Variants in GREB1L observed in about 807,000 individuals in gnomAD.
The protein encoded by GREB1L is GREB1-like protein.
Under a neutral mutation model 200.8 loss-of-function variants are expected in GREB1L, and 17 were observed. That is an observed-to-expected ratio of 0.08 (90% CI 0.06 to 0.13). The LOEUF (loss-of-function observed/expected upper bound fraction) is 0.13, where lower values mean the gene tolerates loss of function less well. GREB1L is among the 10% of genes least tolerant of loss of function. The pLI is 1.00. For missense variants in GREB1L, 1,657 were observed against 2,367.7 expected, an observed-to-expected ratio of 0.70 and a Z score of 6.23; for synonymous variants, 789 against 893.0, an observed-to-expected ratio of 0.88 and a Z score of 2.08.
chr18:21,519,867 G>A (rs2037550852), intron 31 of GREB1L, among the ~76,000 whole-genome samples: 1 of 151,348 alleles, frequency 6.6e-6, no homozygotes. Context: ...AATTTTTGCA[G>A]TTATCATCTG....
Position 21,523,103 on chromosome 18 carries a change from C to A in GREB1L, c.*282C>A, listed in dbSNP as rs755408369. 3.0e-5 allele frequency: 8 copies of A among 266,136 alleles called. No individual in the cohort carries two copies. The highest frequency in any genetic ancestry group is 4.2e-5 in the Non-Finnish European group (6 of 142,204). 16.5% of individuals were successfully genotyped at this position (266,136 alleles called of 1,614,324 possible). A position where few individuals can be genotyped will look rare whatever the true frequency, so the allele number is the denominator to read the frequency against. On this transcript the variant is annotated 3_prime_UTR_variant, in exon 33 of 33. Transcript: ENST00000424526. ...CCCATGGGATCCTGAGGAGGATATA[C>A]TTTGGAGAGTGAATATGGAGTTTGC...
At chr18:21,507,790 G>GC (rs1427352993) in intron 25 of GREB1L, among the ~76,000 whole-genome samples, 1 of 152,188 alleles carries the variant, frequency 6.6e-6, no homozygotes, top group Non-Finnish European at 1.5e-5. Flanking sequence ...TGCATACAGA[G>GC]CAGGACATCC....
intron 1 of GREB1L, among the ~76,000 whole-genome samples, chr18:21,339,152 A>C (rs1444799997): frequency 6.6e-6 from 1 of 151,874 alleles, no homozygotes; most frequent in Admixed American, 6.6e-5. Context: ...GCACCTCTGC[A>C]CTCCATCCTG....
At chr18:21,293,028 C>T (rs558980127) in intron 1 of GREB1L, among the ~76,000 whole-genome samples, 41 of 152,296 alleles carry the variant, frequency 2.7e-4, no homozygotes, top group South Asian at 2.1e-3. Context: ...CATCACGAAG[C>T]AGGGGCAGTT....
chr18:21,461,012 A>G (rs1413133383), intron 15 of GREB1L, among the ~76,000 whole-genome samples: 1 of 151,180 alleles, frequency 6.6e-6, no homozygotes, highest in Admixed American at 6.6e-5. Context: ...TGGGAGGATC[A>G]CTTGAACCTG....
chr18:21,450,535 T>A (rs2034468186), intron 12 of GREB1L: 1 of 153,142 alleles, frequency 6.5e-6, no homozygotes, highest in Non-Finnish European at 1.5e-5. Context: ...TACATTAATA[T>A]TTTTTCATTT....
At chr18:21,488,603 T>C (rs902831529) in intron 18 of GREB1L, among the ~76,000 whole-genome samples, 8 of 152,172 alleles carry the variant, frequency 5.3e-5, no homozygotes, top group African/African-American at 1.2e-4. Flanking sequence ...CATGAGAGCA[T>C]TGGCCAACCT....
intron 1 of GREB1L, among the ~76,000 whole-genome samples, chr18:21,294,695 T>A (rs1230762161): frequency 6.6e-6 from 1 of 151,926 alleles, no homozygotes; most frequent in African/African-American, 2.4e-5. Flanking sequence ...AAAAACAATT[T>A]TAACACAGCA....
Position 21,317,682 on chromosome 18 carries a change from C to T in GREB1L, c.-119-48345C>T, listed in dbSNP as rs374179177. ...CTTTTATGTGACTAAGAAGTATGAT[C>T]TGCTGCTCATTTTCCTCACAGCTAT... On this transcript the variant is annotated intron_variant, in intron 1 of 32. Transcript: ENST00000424526. 13 of 152,334 alleles carry T rather than the reference C, an allele frequency of 8.5e-5. 1 individual carries two copies. Among genetic ancestry groups the T allele is most frequent in the Admixed American group, 5.2e-4 (8 of 15,300 alleles). 9.4% of individuals were successfully genotyped at this position (152,334 alleles called of 1,614,324 possible). A position where few individuals can be genotyped will look rare whatever the true frequency, so the allele number is the denominator to read the frequency against.
intron 16 of GREB1L, among the ~76,000 whole-genome samples, chr18:21,474,953 A>G (rs534277582): frequency 3.3e-5 from 5 of 151,916 alleles, no homozygotes; most frequent in African/African-American, 4.8e-5. Context: ...CCATAATTCA[A>G]TCATCTCCCA....
chr18:21,249,584 G>A (rs1409586292), intron 1 of GREB1L, among the ~76,000 whole-genome samples: 1 of 152,148 alleles, frequency 6.6e-6, no homozygotes, highest in Non-Finnish European at 1.5e-5. Flanking sequence ...GCCGGGTGTG[G>A]TGGCTCATGC....
intron 7 of GREB1L, among the ~76,000 whole-genome samples, chr18:21,436,365 C>T (rs1265062528): frequency 2.0e-5 from 3 of 152,142 alleles, no homozygotes; most frequent in Non-Finnish European, 2.9e-5. Flanking sequence ...CATCCAGGCA[C>T]AGTGACGCCT....
chr18:21,451,190 A>T (rs780330031), intron 13 of GREB1L, 39 bp downstream of exon 13: 1 of 1,545,200 alleles, frequency 6.5e-7, no homozygotes, highest in South Asian at 1.2e-5. Context: ...GGCAGCCCCT[A>T]GTTGTATGAT....
chr18:21,332,726 C>T (rs1323408214), intron 1 of GREB1L, among the ~76,000 whole-genome samples: 1 of 152,126 alleles, frequency 6.6e-6, no homozygotes, highest in African/African-American at 2.4e-5. Flanking sequence ...CTACCTGCCT[C>T]ACCCTCCCAA....
intron 1 of GREB1L, among the ~76,000 whole-genome samples, chr18:21,311,827 T>C (rs1196045166): frequency 6.6e-6 from 1 of 151,804 alleles, no homozygotes; most frequent in East Asian, 1.9e-4. Flanking sequence ...GCAGAGAGGT[T>C]TTTTTTTAAC....
chr18:21,384,769 G>A (rs569195272), intron 4 of GREB1L, among the ~76,000 whole-genome samples: 1 of 151,230 alleles, frequency 6.6e-6, no homozygotes, highest in African/African-American at 2.4e-5. Context: ...TTCCCTCTTC[G>A]TACTTCTTTC....
chr18:21,446,928 G>A lies in GREB1L; in HGVS notation c.1393+2519G>A, dbSNP rs74747775. Among the ~76,000 whole-genome samples the A allele has an allele frequency of 7.3e-3, 1,118 of 152,240 alleles. 16 individuals carry two copies. Among genetic ancestry groups the A allele is most frequent in the African/African-American group, 0.025 (1,055 of 41,544 alleles). On this transcript the variant is annotated intron_variant, in intron 11 of 32. Coordinates refer to ENST00000424526, the MANE Select transcript of GREB1L (RefSeq NM_001142966.3). The stretch of plus-strand genomic sequence containing the variant: ...ATCTTTGAAGTAGATAATGAAATCA[G>A]CAAATCCAGAGATTCTTGTAAGGCT...
At chr18:21,417,711 G>A (rs2031773007) in intron 7 of GREB1L, among the ~76,000 whole-genome samples, 2 of 151,900 alleles carry the variant, frequency 1.3e-5, no homozygotes, top group Admixed American at 1.3e-4. Context: ...CTGAAAATAG[G>A]CCAGGCACAG....
intron 1 of GREB1L, among the ~76,000 whole-genome samples, chr18:21,333,248 A>G (rs1219385334): frequency 1.3e-5 from 2 of 152,184 alleles, no homozygotes; most frequent in African/African-American, 2.4e-5. Flanking sequence ...TTCATTTATT[A>G]TAACTGGGTT....
Sources: gnomAD v4.1 joint callset for allele counts (sites outside exome capture counted in the v4.1 genomes callset) on GRCh38, gnomAD v4.1.1 for gene constraint, MANE v1.5 for transcripts, NCBI Gene and HGNC (gene_info 2026-07-23, HGNC 2026-07-21) for gene names.